WDR20: variants seen among roughly 807,000 people sequenced by gnomAD.
The protein encoded by WDR20 is WD repeat domain 20, also known as WD repeat-containing protein 20.
Under a neutral mutation model 38.7 loss-of-function variants are expected in WDR20, and 3 were observed. The observed-to-expected ratio is 0.08, with a 90% CI of 0.04 to 0.20. The LOEUF (loss-of-function observed/expected upper bound fraction) is 0.20, where lower values mean the gene tolerates loss of function less well. Ranked by LOEUF, WDR20 falls within the 10% of genes least tolerant of loss-of-function variation. The pLI is 1.00. For missense variants in WDR20, 559 were observed against 727.7 expected (o/e 0.77, Z 2.67); for synonymous variants, 298 against 285.6 (o/e 1.04, Z -0.44).
chr14:102,167,212 CTTAT>C (rs1384121103), intron 1 of WDR20, among the ~76,000 whole-genome samples: 7 of 151,864 alleles, frequency 4.6e-5, no homozygotes, highest in Non-Finnish European at 8.8e-5. Context: ...GATTCTTCTT[CTTAT>C]TTATTTATTT....
At chr14:102,201,770 G>A (rs1279517563) in intron 2 of WDR20, among the ~76,000 whole-genome samples, 2 of 152,322 alleles carry the variant, frequency 1.3e-5, no homozygotes, top group African/African-American at 4.8e-5. Flanking sequence ...TTTTATGAAC[G>A]TGTTTGTTAA....
intron 2 of WDR20, among the ~76,000 whole-genome samples, chr14:102,202,580 C>T (rs1280030579): frequency 6.6e-6 from 1 of 151,824 alleles, no homozygotes; most frequent in Non-Finnish European, 1.5e-5. Flanking sequence ...CAGGGTTTCA[C>T]CATATTGGCC....
intron 1 of WDR20, among the ~76,000 whole-genome samples, chr14:102,186,890 C>G (rs1456189217): frequency 2.0e-5 from 3 of 151,476 alleles, no homozygotes. Flanking sequence ...GTGGATCTTG[C>G]AGTGAGCCGA....
At chr14:102,182,596 A>G (rs551799223) in intron 1 of WDR20, among the ~76,000 whole-genome samples, 1 of 152,294 alleles carries the variant, frequency 6.6e-6, no homozygotes, top group East Asian at 1.9e-4. Flanking sequence ...TCATCAAGTC[A>G]CAGATTTTTC....
chr14:102,168,106 T>TC (rs1027492948), intron 1 of WDR20, among the ~76,000 whole-genome samples: 43 of 151,972 alleles, frequency 2.8e-4, no homozygotes, highest in Admixed American at 1.3e-4. Flanking sequence ...ATTTCTCTCT[T>TC]CCCCCCACTT....
downstream of WDR20, among the ~76,000 whole-genome samples, chr14:102,216,627 A>G (rs974912578): frequency 1.3e-5 from 2 of 152,186 alleles, no homozygotes; most frequent in Non-Finnish European, 2.9e-5. Context: ...ACCTTCAAAA[A>G]AATAAAAATA....
intron 1 of WDR20, among the ~76,000 whole-genome samples, chr14:102,190,483 C>G (rs542894085): frequency 6.6e-6 from 1 of 151,868 alleles, no homozygotes; most frequent in South Asian, 2.1e-4. Flanking sequence ...ATCCCAGCTA[C>G]TCAGGAGGCC....
chr14:102,139,932 G>A lies in WDR20; in HGVS notation c.9G>A (p.Thr3=). 1.2e-6 allele frequency: 2 copies of A among 1,612,286 alleles called. No homozygotes were observed. Among genetic ancestry groups the A allele is most frequent in the African/African-American group, 1.3e-5 (1 of 75,016 alleles). MA[T]EGGGKEMNEI... ...GAACGCTGCTTTCCAAGATGGCGAC[G>A]GAGGGAGGAGGGAAGGAGATGAACG... The change falls in exon 1 of 3, where the codon ACG becomes ACA. Residue 3 remains threonine, a synonymous_variant. Coordinates refer to ENST00000342702, the MANE Select transcript of WDR20 (RefSeq NM_144574.4).
At chr14:102,171,684 A>C (rs1488930259) in intron 1 of WDR20, among the ~76,000 whole-genome samples, 1 of 151,794 alleles carries the variant, frequency 6.6e-6, no homozygotes, top group Admixed American at 6.6e-5. Context: ...ATCTTCCCAA[A>C]GATCTTATCT....
At chr14:102,169,747 C>G (rs141458146) in intron 1 of WDR20, among the ~76,000 whole-genome samples, 1 of 152,026 alleles carries the variant, frequency 6.6e-6, no homozygotes. Context: ...AGGCTGGTCT[C>G]GAACTCTTGA....
chr14:102,185,453 C>T (rs1189943379), intron 1 of WDR20, among the ~76,000 whole-genome samples: 3 of 152,070 alleles, frequency 2.0e-5, no homozygotes, highest in African/African-American at 7.2e-5. Context: ...GGTGCCACCT[C>T]ACATGTCTGT....
At chr14:102,149,068 CAGG>C (rs1292673508) in intron 1 of WDR20, among the ~76,000 whole-genome samples, 2 of 152,096 alleles carry the variant, frequency 1.3e-5, no homozygotes, top group Non-Finnish European at 2.9e-5. Context: ...AAGGCTGAGG[CAGG>C]AGAATACTTG....
At chr14:102,143,669 C>T (rs1012037721) in intron 1 of WDR20, among the ~76,000 whole-genome samples, 3 of 151,794 alleles carry the variant, frequency 2.0e-5, no homozygotes, top group African/African-American at 4.8e-5. Context: ...CTCAGCCTCC[C>T]GAGCAGCTGG....
chr14:102,146,760 T>G (rs2053796119), intron 1 of WDR20, among the ~76,000 whole-genome samples: 1 of 152,182 alleles, frequency 6.6e-6, no homozygotes, highest in East Asian at 1.9e-4. Context: ...TTTTACTGCT[T>G]CAGAGAGGGT....
At chr14:102,193,396 G>T in intron 1 of WDR20, 1 of 1,525,258 alleles carries the variant, frequency 6.6e-7, no homozygotes, top group Non-Finnish European at 9.1e-7. Context: ...CTTTTGTTTT[G>T]TATCATGCTT....
intron 2 of WDR20, chr14:102,197,930 T>C (rs946768284): frequency 6.2e-6 from 4 of 642,012 alleles, no homozygotes; most frequent in African/African-American, 5.4e-5. Flanking sequence ...TGCCCAGCAC[T>C]GGGTCTGCAG....
chr14:102,187,938 G>A (rs1338609738), intron 1 of WDR20, among the ~76,000 whole-genome samples: 1 of 152,174 alleles, frequency 6.6e-6, no homozygotes, highest in African/African-American at 2.4e-5. Flanking sequence ...GCCTGCATTA[G>A]GCACTTGGTA....
intron 1 of WDR20, among the ~76,000 whole-genome samples, chr14:102,164,712 A>G (rs1437898948): frequency 6.6e-6 from 1 of 152,042 alleles, no homozygotes; most frequent in Non-Finnish European, 1.5e-5. Context: ...TTTTTTATAC[A>G]TTTTTGACCC....
intron 2 of WDR20, among the ~76,000 whole-genome samples, chr14:102,199,779 C>G (rs934372397): frequency 7.9e-5 from 12 of 152,154 alleles, no homozygotes; most frequent in African/African-American, 2.9e-4. Flanking sequence ...TGAAAAATTC[C>G]CATCTGGGAA....
Sources: allele counts gnomAD v4.1 joint callset (sites outside exome capture counted in the v4.1 genomes callset), GRCh38; gene constraint gnomAD v4.1.1; transcripts MANE v1.5; gene names NCBI Gene and HGNC (gene_info 2026-07-23, HGNC 2026-07-21).